The following ANKRD31 variants were observed in gnomAD, a reference collection of about 807,000 sequenced individuals.
The protein encoded by ANKRD31 is ankyrin repeat domain-containing protein 31.
In ANKRD31, 147 loss-of-function variants were observed where a neutral mutation model predicts 186.0. That is an observed-to-expected ratio of 0.79 (90% CI 0.69 to 0.91). ANKRD31 has a LOEUF of 0.91. Among genes scored for constraint, ANKRD31 ranks in the 40% least tolerant of loss-of-function variants. The pLI is 0.00. For synonymous variants in ANKRD31, 673 were observed against 736.4 expected (o/e 0.91, Z 1.39); for missense variants, 1,986 against 2,148.8 (o/e 0.92, Z 1.50).
intron 8 of ANKRD31, 36 bp from the exon 9 acceptor site, chr5:75,192,812 G>A (rs148606831): frequency 4.1e-5 from 58 of 1,424,346 alleles, no homozygotes; most frequent in East Asian, 5.0e-5. Context: ...TGGCTATAAC[G>A]GTTTTTGCAA....
rs866226909 is a variant in ANKRD31, at chr5:75,068,772, T to C, written c.5648-108A>G. 8 of 1,156,956 alleles carry C rather than the reference T, an allele frequency of 6.9e-6. No individual in the cohort carries two copies. In the Middle Eastern group the frequency reaches 8.7e-4, roughly 126 times the overall value. The allele number at this position is 1,156,956 out of a possible 1,614,324, so 71.7% of individuals were successfully genotyped here. A position where few individuals can be genotyped will look rare whatever the true frequency, so the allele number is the denominator to read the frequency against. On this transcript the variant is annotated intron_variant, in intron 25 of 25. Transcript: ENST00000506364. Reference sequence around the variant, plus strand: ...AATCAAGTCTATTTGAGAGCACACATAACAGGTTTTCTGATCAGGACCTTT... The same window carrying C: ...AATCAAGTCTATTTGAGAGCACACACAACAGGTTTTCTGATCAGGACCTTT...
chr5:75,165,290 C>T (rs1240613610), intron 11 of ANKRD31, among the ~76,000 whole-genome samples: 2 of 152,062 alleles, frequency 1.3e-5, no homozygotes, highest in African/African-American at 2.4e-5. Context: ...ACTCTTCATC[C>T]CTAATAGCAT....
At chr5:75,232,948 C>A (rs998348847) in intron 1 of ANKRD31, among the ~76,000 whole-genome samples, 15 of 152,284 alleles carry the variant, frequency 9.9e-5, no homozygotes, top group African/African-American at 7.2e-5. Context: ...TAAAATAATT[C>A]TTGTCTTCCT....
At chr5:75,121,181 A>C (rs11949922) in intron 17 of ANKRD31, among the ~76,000 whole-genome samples, 50,350 of 115,968 alleles carry the variant, frequency 0.43, 11,670 homozygotes, top group African/African-American at 0.73. Context: ...GACTCTATAT[A>C]AAAAAAAAAA....
At chr5:75,178,710 G>C (rs1200987292) in intron 10 of ANKRD31, among the ~76,000 whole-genome samples, 1 of 152,100 alleles carries the variant, frequency 6.6e-6, no homozygotes, top group African/African-American at 2.4e-5. Context: ...CAACATACCA[G>C]AATCTCTGGG....
intron 1 of ANKRD31, among the ~76,000 whole-genome samples, chr5:75,234,310 T>C (rs759959897): frequency 3.9e-5 from 6 of 152,234 alleles, no homozygotes; most frequent in Non-Finnish European, 8.8e-5. Context: ...TTCTTTTTAT[T>C]GCTCATGTTT....
At chr5:75,077,507 A>G (rs538507425) in intron 25 of ANKRD31, among the ~76,000 whole-genome samples, 5 of 152,052 alleles carry the variant, frequency 3.3e-5, no homozygotes, top group South Asian at 4.2e-4. Flanking sequence ...TTGGGGGGGG[A>G]ATTAAAATCT....
chr5:75,111,690 A>G (rs551132055), intron 20 of ANKRD31, among the ~76,000 whole-genome samples: 2 of 152,324 alleles, frequency 1.3e-5, no homozygotes, highest in East Asian at 3.9e-4. Flanking sequence ...TATAAATCAT[A>G]ACTCAAAAAA....
chr5:75,078,757 A>C (rs1424005142), intron 25 of ANKRD31, among the ~76,000 whole-genome samples: 1 of 152,246 alleles, frequency 6.6e-6, no homozygotes, highest in Non-Finnish European at 1.5e-5. Context: ...ATAACAAATA[A>C]TGTAGAAATT....
chr5:75,227,542 T>G (rs1757703211), intron 2 of ANKRD31, among the ~76,000 whole-genome samples: 1 of 152,124 alleles, frequency 6.6e-6, no homozygotes, highest in Admixed American at 6.5e-5. Flanking sequence ...ACCTACTATG[T>G]ACCCACAAAT....
intron 17 of ANKRD31, among the ~76,000 whole-genome samples, chr5:75,124,245 C>G (rs989487632): frequency 6.6e-6 from 1 of 152,070 alleles, no homozygotes; most frequent in South Asian, 2.1e-4. Context: ...CCATCTTATG[C>G]CAATAGAATG....
At chr5:75,236,184 T>A (rs1034758501) in intron 1 of ANKRD31, among the ~76,000 whole-genome samples, 1 of 152,192 alleles carries the variant, frequency 6.6e-6, no homozygotes, top group African/African-American at 2.4e-5. Flanking sequence ...ATTCTTTTCT[T>A]GAGAGAAACT....
chr5:75,209,400 C>T (rs563994726), intron 4 of ANKRD31, among the ~76,000 whole-genome samples: 1 of 152,152 alleles, frequency 6.6e-6, no homozygotes, highest in South Asian at 2.1e-4. Flanking sequence ...ATCATGGCTG[C>T]ACACGGTGGC....
At chr5:75,211,182 C>A (rs1345705) in intron 3 of ANKRD31, among the ~76,000 whole-genome samples, 76,798 of 152,022 alleles carry the variant, frequency 0.51, 22,340 homozygotes, top group African/African-American at 0.81. Flanking sequence ...CCCATGGCAG[C>A]CACCATTCTG....
At position 75,104,481 on chromosome 5, in the gene ANKRD31, GC is replaced by G; in HGVS notation, c.5077del (p.Ala1693HisfsTer8). On this transcript the variant is annotated frameshift_variant, in exon 22 of 26. Transcript: ENST00000506364. LOFTEE classifies it high-confidence loss of function. Reference protein sequence around the residue: ...QSPTGASESLAHQGIAVLGSD... With the variant: ...QSPTGASESLXHQGIAVLGSD... The stretch of plus-strand genomic sequence containing the variant: ...GCCTAAGACAGCAATCCCTTGATGT[GC>G]CAGAGATTCTGATGCCCCTGTAGGT... The G allele has an allele frequency of 6.5e-7, 1 of 1,537,186 alleles. No individual in the cohort carries two copies. The highest frequency in any genetic ancestry group is 8.7e-7 in the Non-Finnish European group (1 of 1,146,908).
intron 9 of ANKRD31, among the ~76,000 whole-genome samples, chr5:75,191,488 T>C (rs183096202): frequency 6.6e-6 from 1 of 152,240 alleles, no homozygotes; most frequent in East Asian, 1.9e-4. Context: ...TAGTCTCTCA[T>C]ATTTACTTTT....
chr5:75,134,098 A>G (rs12561544), intron 17 of ANKRD31, among the ~76,000 whole-genome samples: 47 of 152,130 alleles, frequency 3.1e-4, no homozygotes, highest in African/African-American at 1.1e-3. Flanking sequence ...CATCACAATT[A>G]AAAGAACTAG....
intron 22 of ANKRD31, among the ~76,000 whole-genome samples, chr5:75,102,919 T>C (rs1747025349): frequency 6.6e-6 from 1 of 152,074 alleles, no homozygotes; most frequent in Admixed American, 6.5e-5. Context: ...GCTCACACTC[T>C]GTGGGCTGCA....
In ANKRD31 at chr5:75,112,677, G is replaced by A. The variant is rs1561433809; in HGVS notation, c.4156-77C>T. ...CTGATATGCCATTGACAAACACAGA[G>A]TAAATAAAATACTAAAGAAAGTGTT... On this transcript the variant is annotated intron_variant, in intron 19 of 25. Transcript: ENST00000506364. 59 of 892,006 alleles carry A rather than the reference G, an allele frequency of 6.6e-5. No individual in the cohort carries two copies. The East Asian group carries it at 1.7e-3, about 25-fold the overall frequency. 55.3% of individuals were successfully genotyped at this position (892,006 alleles called of 1,614,324 possible).
Sources: gnomAD v4.1 joint callset for allele counts (sites outside exome capture counted in the v4.1 genomes callset) on GRCh38, gnomAD v4.1.1 for gene constraint, MANE v1.5 for transcripts, NCBI Gene and HGNC (gene_info 2026-07-23, HGNC 2026-07-21) for gene names.